Variants in SACS observed in about 807,000 individuals in gnomAD.
SACS encodes sacsin.
In SACS, 197 loss-of-function variants were observed where a neutral mutation model predicts 348.0. That is an observed-to-expected ratio of 0.57 (90% CI 0.50 to 0.64). The LOEUF (loss-of-function observed/expected upper bound fraction) is 0.64. SACS is among the 30% of genes least tolerant of loss of function. The pLI is 0.00. For synonymous variants in SACS, 1,985 were observed against 1,910.6 expected (o/e 1.04, Z -1.02); for missense variants, 4,999 against 5,360.8 (o/e 0.93, Z 2.11).
intron 6 of SACS, among the ~76,000 whole-genome samples, chr13:23,360,382 CA>C (rs1413724413): frequency 7.6e-5 from 8 of 105,538 alleles, no homozygotes; most frequent in Non-Finnish European, 1.2e-4. Flanking sequence ...AAAGTATCTA[CA>C]AAGACAAAAA....
Position 23,340,501 on chromosome 13 carries a change from C to T in SACS, c.3375G>A (p.Leu1125=), listed in dbSNP as rs769954435. The stretch of plus-strand genomic sequence containing the variant: ...CCAGTAAGAGGGTTTTGGCTTTCTT[C>T]AGAAGAACATCTTGATCAGGACAAG... ...VGACPDQDVL[L]KKAKTLLLVL... is the part of the protein sequence containing the mutation. The change falls in exon 10 of 10, where the codon CTG becomes CTA. Residue 1125 remains leucine, a synonymous_variant. Transcript: ENST00000382292. 1 of 1,611,298 alleles carries T rather than the reference C, an allele frequency of 6.2e-7. No individual in the cohort carries two copies. The highest frequency in any genetic ancestry group is 2.2e-5 in the East Asian group (1 of 44,870).
At position 23,338,092 on chromosome 13, in the gene SACS, T is replaced by A; in HGVS notation, c.5784A>T (p.Leu1928Phe). ...VKAYLQVLSV[L>F]RDLATSGELM... ...GCTCCCCACTAGTGGCCAGGTCCCG[T>A]AAGACACTCAGTACCTGTAAGTAAG... is the stretch of plus-strand genomic sequence containing the variant. Residue 1928 changes from leucine to phenylalanine, a missense_variant, in exon 10 of 10, where the codon TTA (leucine) becomes TTT (phenylalanine). Transcript: ENST00000382292. The A allele has an allele frequency of 6.2e-7, 1 of 1,614,090 alleles. No homozygotes were observed. The highest frequency in any genetic ancestry group is 1.3e-5 in the African/African-American group (1 of 75,058).
chr13:23,336,046 G>T lies in SACS; in HGVS notation c.7830C>A (p.Gly2610=). The T allele has an allele frequency of 1.2e-6, 2 of 1,612,164 alleles. No individual in the cohort carries two copies. The highest frequency in any genetic ancestry group is 1.7e-6 in the Non-Finnish European group (2 of 1,178,466). Residue 2610 remains glycine, a synonymous_variant, in exon 10 of 10, where the codon GGC becomes GGA. Transcript: ENST00000382292. The part of the protein sequence containing the change: ...DVRGIQNLGK[G]TKEGNPYKTG... ...TTTTATAAGGATTTCCCTCTTTCGT[G>T]CCTTTTCCAAGATTCTGAATTCCTC... is the stretch of plus-strand genomic sequence containing the variant.
intron 2 of SACS, 49 bp downstream of exon 2, chr13:23,411,171 T>G: frequency 6.5e-7 from 1 of 1,537,932 alleles, no homozygotes; most frequent in Non-Finnish European, 9.0e-7. Flanking sequence ...CCAACAAGTC[T>G]TAAAATCCCA....
In SACS at chr13:23,340,999, A is replaced by G. The variant is rs761263379; in HGVS notation, c.2877T>C (p.Asp959=). The G allele has an allele frequency of 1.2e-6, 2 of 1,614,038 alleles. No homozygotes were observed. The highest frequency in any genetic ancestry group is 8.5e-7 in the Non-Finnish European group (1 of 1,180,004). ...VLHHTAKLPA[D]LRLSISVIDS... Reference sequence around the variant, plus strand: ...CTATTACTGAAATAGAAAGTCGCAGATCTGCTGGGAGTTTGGCAGTATGGT... The same window carrying G: ...CTATTACTGAAATAGAAAGTCGCAGGTCTGCTGGGAGTTTGGCAGTATGGT... The change falls in exon 10 of 10, where the codon GAT becomes GAC. Residue 959 remains aspartate (D), a synonymous_variant. Transcript: ENST00000382292.
chr13:23,329,848 C>T lies in SACS; in HGVS notation c.*288G>A. Reference sequence around the variant, plus strand: ...CATACATAGACTCTTATCTAACAAACTGCTAAGCTTTGGTTATATAAAGTG... The same window carrying T: ...CATACATAGACTCTTATCTAACAAATTGCTAAGCTTTGGTTATATAAAGTG... On this transcript the variant is annotated 3_prime_UTR_variant, in exon 10 of 10. Transcript: ENST00000382292. The T allele has an allele frequency of 4.0e-6, 2 of 502,848 alleles. No homozygotes were observed. The highest frequency in any genetic ancestry group is 7.1e-6 in the Non-Finnish European group (2 of 281,684). 31.1% of individuals were successfully genotyped at this position (502,848 alleles called of 1,614,324 possible).
At chr13:23,407,456 C>T (rs1873278570) in intron 2 of SACS, among the ~76,000 whole-genome samples, 1 of 152,208 alleles carries the variant, frequency 6.6e-6, no homozygotes, top group Non-Finnish European at 1.5e-5. Context: ...ACCTCGGCCT[C>T]CCAAAGTGCT....
At position 23,334,375 on chromosome 13, in the gene SACS, A is replaced by T; in HGVS notation, c.9501T>A (p.Asp3167Glu). ...ITLDSVLQTF[D>E]AKRPKFLTTY... ...TTGTTAGAAACTTGGGTCGTTTTGC[A>T]TCAAAAGTTTGCAAAACACTGTCCA... Residue 3167 changes from aspartate (D) to glutamate (E), a missense_variant, in exon 10 of 10, where the codon GAT becomes GAA. Physicochemically the swap from Asp to Glu is conservative, Grantham distance 45. Coordinates refer to ENST00000382292, the MANE Select transcript of SACS (RefSeq NM_014363.6). The T allele has an allele frequency of 6.2e-7, 1 of 1,612,990 alleles. No individual in the cohort carries two copies. Among genetic ancestry groups the T allele is most frequent in the Non-Finnish European group, 8.5e-7 (1 of 1,179,514 alleles).
intron 1 of SACS, among the ~76,000 whole-genome samples, chr13:23,421,501 AG>A (rs1461879976): frequency 6.6e-6 from 1 of 152,034 alleles, no homozygotes; most frequent in Non-Finnish European, 1.5e-5. Context: ...ATATGCACCC[AG>A]GCCTGTTGCC....
intron 2 of SACS, among the ~76,000 whole-genome samples, chr13:23,399,849 C>T (rs373116822): frequency 1.3e-5 from 2 of 152,050 alleles, no homozygotes; most frequent in African/African-American, 4.8e-5. Flanking sequence ...TTGAGATAAC[C>T]TCCCCTCCTA....
intron 9 of SACS, among the ~76,000 whole-genome samples, chr13:23,347,922 A>T (rs891993853): frequency 1.3e-5 from 2 of 152,220 alleles, no homozygotes; most frequent in African/African-American, 4.8e-5. Context: ...AGGCATCTTC[A>T]TAACACCCAG....
chr13:23,424,949 A>G (rs1455112655), intron 1 of SACS, among the ~76,000 whole-genome samples: 3 of 152,356 alleles, frequency 2.0e-5, no homozygotes, highest in East Asian at 1.9e-4. Flanking sequence ...TCATGAAGAT[A>G]TGGGTGAAGG....
At chr13:23,399,426 C>T (rs1172547136) in intron 2 of SACS, among the ~76,000 whole-genome samples, 1 of 152,124 alleles carries the variant, frequency 6.6e-6, no homozygotes, top group Non-Finnish European at 1.5e-5. Flanking sequence ...CTGTAAACTG[C>T]CCCTCCCGCC....
Position 23,330,178 on chromosome 13 carries a change from A to G in SACS, c.13698T>C (p.Cys4566=), listed in dbSNP as rs2137547459. 2 of 1,614,094 alleles carry G rather than the reference A, an allele frequency of 1.2e-6. No individual in the cohort carries two copies. Among genetic ancestry groups the G allele is most frequent in the East Asian group, 4.5e-5 (2 of 44,892 alleles). ...VAMRVMECTA[C]IIIKLENFMQ... ...TAAAATTTTCAAGTTTTATTATGATACAGGCAGTACATTCCATCACCCTCA... is the reference window on the plus strand; with the variant it reads ...TAAAATTTTCAAGTTTTATTATGATGCAGGCAGTACATTCCATCACCCTCA... Residue 4566 remains cysteine, a synonymous_variant, in exon 10 of 10, where the codon TGT becomes TGC. Coordinates refer to ENST00000382292, the MANE Select transcript of SACS (RefSeq NM_014363.6).
At chr13:23,360,506 T>G (rs2137754463) in intron 6 of SACS, among the ~76,000 whole-genome samples, 1 of 151,748 alleles carries the variant, frequency 6.6e-6, no homozygotes, top group African/African-American at 2.4e-5. Flanking sequence ...GGAAGGAAAT[T>G]AAAATTTTCA....
intron 2 of SACS, among the ~76,000 whole-genome samples, chr13:23,381,243 C>T (rs536963686): frequency 3.3e-4 from 50 of 152,054 alleles, no homozygotes; most frequent in Non-Finnish European, 5.7e-4. Flanking sequence ...AAAGATCATG[C>T]GCAGTGCTCA....
chr13:23,413,225 G>C (rs1473965839), intron 1 of SACS, among the ~76,000 whole-genome samples: 2 of 152,164 alleles, frequency 1.3e-5, no homozygotes, highest in Middle Eastern at 3.2e-3. Context: ...TGATGCGCCT[G>C]CCCTAGCCTC....
In SACS at chr13:23,334,667, A is replaced by T. The variant is rs1868408886; in HGVS notation, c.9209T>A (p.Val3070Asp). The change falls in exon 10 of 10, where the codon GTT becomes GAT. Residue 3070 changes from valine to aspartate, a missense_variant. Val to Asp is a radical substitution (Grantham distance 152). Transcript: ENST00000382292. Reference protein sequence around the residue: ...HLLLEIGFNLVYNCDETANLY... With the variant: ...HLLLEIGFNLDYNCDETANLY... ...ATTAGCAGTTTCATCACAGTTATAA[A>T]CCAAGTTGAAACCAATTTCTAAAAG... 3.7e-6 allele frequency: 6 copies of T among 1,613,624 alleles called. No individual in the cohort carries two copies. Among genetic ancestry groups the T allele is most frequent in the Non-Finnish European group, 5.1e-6 (6 of 1,179,754 alleles).
intron 5 of SACS, among the ~76,000 whole-genome samples, chr13:23,365,737 T>C (rs865967841): frequency 2.6e-5 from 4 of 152,162 alleles, no homozygotes; most frequent in South Asian, 2.1e-4. Flanking sequence ...AACCAAATAG[T>C]AGCAATCTAT....
Sources: gnomAD v4.1 joint callset for allele counts (sites outside exome capture counted in the v4.1 genomes callset) on GRCh38, gnomAD v4.1.1 for gene constraint, MANE v1.5 for transcripts, NCBI Gene and HGNC (gene_info 2026-07-23, HGNC 2026-07-21) for gene names.